Variants in NCKAP5 observed in about 807,000 individuals in gnomAD.
NCKAP5 encodes nck-associated protein 5.
Under a neutral mutation model 167.0 loss-of-function variants are expected in NCKAP5, and 92 were observed. That is an observed-to-expected ratio of 0.55 (90% CI 0.47 to 0.66). NCKAP5 has a LOEUF of 0.66. Among genes scored for constraint, NCKAP5 ranks in the 30% least tolerant of loss-of-function variants. NCKAP5 has a pLI of 0.00. For missense variants in NCKAP5, 2,378 were observed against 2,315.0 expected (o/e 1.03, Z -0.56); for synonymous variants, 891 against 877.4 (o/e 1.02, Z -0.27).
chr2:132,716,630 G>A (rs1689396200), intron 19 of NCKAP5, among the ~76,000 whole-genome samples: 1 of 152,034 alleles, frequency 6.6e-6, no homozygotes, highest in Non-Finnish European at 1.5e-5. Context: ...CCATCAAAGG[G>A]TGACAAACTC....
At chr2:133,286,785 T>C (rs1416426167) in intron 4 of NCKAP5, among the ~76,000 whole-genome samples, 1 of 151,220 alleles carries the variant, frequency 6.6e-6, no homozygotes. Flanking sequence ...GGAATCTTCC[T>C]TTGAAGCAGT....
intron 4 of NCKAP5, among the ~76,000 whole-genome samples, chr2:133,287,654 G>C (rs1679249788): frequency 1.3e-5 from 2 of 152,070 alleles, no homozygotes; most frequent in Admixed American, 1.3e-4. Context: ...TCAATACTAA[G>C]GTACATGAAA....
chr2:133,052,563 C>T (rs1415960913), intron 6 of NCKAP5, among the ~76,000 whole-genome samples: 1 of 151,824 alleles, frequency 6.6e-6, no homozygotes, highest in Non-Finnish European at 1.5e-5. Context: ...ACTAAAAGTA[C>T]AAAAATTAGT....
At chr2:133,290,545 A>G (rs1444679008) in intron 4 of NCKAP5, among the ~76,000 whole-genome samples, 1 of 152,202 alleles carries the variant, frequency 6.6e-6, no homozygotes, top group Non-Finnish European at 1.5e-5. Flanking sequence ...ACACTTTATG[A>G]TTAAACATTT....
chr2:133,355,071 T>C (rs1384589767), intron 3 of NCKAP5, among the ~76,000 whole-genome samples: 1 of 152,240 alleles, frequency 6.6e-6, no homozygotes, highest in African/African-American at 2.4e-5. Context: ...ATTTATAACT[T>C]CTAAAATTCT....
intron 8 of NCKAP5, among the ~76,000 whole-genome samples, chr2:132,895,247 C>T (rs1007577667): frequency 4.0e-5 from 6 of 150,054 alleles, no homozygotes; most frequent in Non-Finnish European, 5.9e-5. Context: ...AGGAGAATAG[C>T]GTGAACCCGG....
intron 8 of NCKAP5, among the ~76,000 whole-genome samples, chr2:132,962,605 G>T (rs916433891): frequency 6.6e-6 from 1 of 152,026 alleles, no homozygotes; most frequent in African/African-American, 2.4e-5. Flanking sequence ...TTGTTTGTTT[G>T]TTTGTTTGTT....
intron 3 of NCKAP5, among the ~76,000 whole-genome samples, chr2:133,324,747 C>G (rs1204445537): frequency 6.6e-6 from 1 of 151,762 alleles, no homozygotes; most frequent in Non-Finnish European, 1.5e-5. Flanking sequence ...TGAGACGGAG[C>G]CTGGCTCTGT....
At chr2:133,588,862 C>T in the NCKAP5 span, among the ~76,000 whole-genome samples, 1 of 152,154 alleles carries the variant, frequency 6.6e-6, no homozygotes, top group African/African-American at 2.4e-5. Flanking sequence ...GGCAAAGGGA[C>T]CAGCCAGAGC....
chr2:133,083,343 G>T (rs1267126652), intron 6 of NCKAP5, among the ~76,000 whole-genome samples: 1 of 152,130 alleles, frequency 6.6e-6, no homozygotes, highest in East Asian at 1.9e-4. Context: ...TCAGGGGCTT[G>T]CTCAGCAATG....
chr2:132,914,933 C>T (rs142237903), intron 8 of NCKAP5, among the ~76,000 whole-genome samples: 66 of 143,600 alleles, frequency 4.6e-4, no homozygotes, highest in African/African-American at 1.7e-3. Context: ...CTAAGTGTCT[C>T]AAGAGGCAAT....
chr2:132,734,478 C>T (rs1207097896), intron 16 of NCKAP5, among the ~76,000 whole-genome samples: 1 of 152,132 alleles, frequency 6.6e-6, no homozygotes, highest in Non-Finnish European at 1.5e-5. Flanking sequence ...ATGTGTCAGA[C>T]CCTATGTACC....
intron 7 of NCKAP5, among the ~76,000 whole-genome samples, chr2:132,988,594 C>T (rs962580661): frequency 3.3e-5 from 5 of 152,148 alleles, no homozygotes; most frequent in Non-Finnish European, 7.3e-5. Context: ...GAATCTGCTG[C>T]CACTGAGCTG....
chr2:133,396,724 AAAC>A (rs1687751262), intron 3 of NCKAP5, among the ~76,000 whole-genome samples: 3 of 152,196 alleles, frequency 2.0e-5, no homozygotes, highest in Admixed American at 1.3e-4. Flanking sequence ...CCCTATCTCC[AAAC>A]AACATCATAT....
intron 5 of NCKAP5, among the ~76,000 whole-genome samples, chr2:133,176,167 A>G (rs911782158): frequency 5.3e-5 from 8 of 152,208 alleles, no homozygotes; most frequent in Admixed American, 2.0e-4. Flanking sequence ...GGAAGCCCCA[A>G]TAATTATTTT....
chr2:132,891,003 G>C (rs961612437), intron 8 of NCKAP5, among the ~76,000 whole-genome samples: 1 of 152,178 alleles, frequency 6.6e-6, no homozygotes, highest in African/African-American at 2.4e-5. Flanking sequence ...ACCAGCACAA[G>C]ACACTAAGGA....
At chr2:133,603,738 T>C in the NCKAP5 span, among the ~76,000 whole-genome samples, 1 of 149,076 alleles carries the variant, frequency 6.7e-6, no homozygotes, top group Non-Finnish European at 1.5e-5. Context: ...GGTTTCTCCA[T>C]GTTGGTCAGG....
chr2:133,656,287 A>G, the NCKAP5 span, among the ~76,000 whole-genome samples: 5 of 151,906 alleles, frequency 3.3e-5, no homozygotes, highest in African/African-American at 1.2e-4. Context: ...AAAAAAAAAA[A>G]CCATCTTTTG....
intron 3 of NCKAP5, among the ~76,000 whole-genome samples, chr2:133,488,858 G>C (rs1444985201): frequency 1.3e-5 from 2 of 152,162 alleles, no homozygotes; most frequent in Admixed American, 1.3e-4. Context: ...GGAGGTTACA[G>C]TGAGCTGAGA....
Sources: allele counts gnomAD v4.1 joint callset (sites outside exome capture counted in the v4.1 genomes callset), GRCh38; gene constraint gnomAD v4.1.1; transcripts MANE v1.5; gene names NCBI Gene and HGNC (gene_info 2026-07-23, HGNC 2026-07-21).